The following RRP15 variants were observed in gnomAD, a reference collection of about 807,000 sequenced individuals.
RRP15 encodes ribosomal RNA processing 15 homolog, also known as RRP15-like protein.
RRP15 carries 18 observed loss-of-function variants against 27.1 expected under a neutral mutation model. The ratio of observed to expected loss-of-function variants is 0.66; its 90% CI spans 0.46 to 0.98. The LOEUF (loss-of-function observed/expected upper bound fraction) is 0.98. Ranked by LOEUF, RRP15 falls within the 50% of genes least tolerant of loss-of-function variation. The probability of loss-of-function intolerance (pLI) is 0.00; values close to 1 mark genes in which losing one functional copy is unlikely to be tolerated. For missense variants in RRP15, 359 were observed against 337.8 expected (o/e 1.06, Z -0.49); for synonymous variants, 107 against 109.4 (o/e 0.98, Z 0.14).
intron 4 of RRP15, among the ~76,000 whole-genome samples, chr1:218,328,664 A>G (rs1656315797): frequency 6.7e-6 from 1 of 149,168 alleles, no homozygotes. Flanking sequence ...CTCCGTCTCA[A>G]AAAAAAAAAA....
intron 2 of RRP15, among the ~76,000 whole-genome samples, chr1:218,304,057 T>TC (rs1655854635): frequency 6.6e-6 from 1 of 152,116 alleles, no homozygotes; most frequent in Admixed American, 6.5e-5. Flanking sequence ...CTAAAATGAA[T>TC]TGTCTGGTTA....
rs767273430 is a variant in RRP15 at position 218,302,476 on chromosome 1, A to G, written c.322A>G (p.Lys108Glu). 9.4e-5 allele frequency: 152 copies of G among 1,614,072 alleles called. No individual in the cohort carries two copies. The highest frequency in any genetic ancestry group is 1.3e-4 in the Non-Finnish European group (148 of 1,180,028). The part of the protein sequence containing the change: ...KVLNKKTPES[K>E]PTILVKNKKL... ...CCTCAACAAGAAAACTCCTGAAAGT[A>G]AACCTACTATTCTGGTCAAAAATAA... The change falls in exon 2 of 5, where the codon AAA becomes GAA. Residue 108 changes from lysine to glutamate, a missense_variant. Physicochemically the swap from Lys to Glu is moderately conservative, Grantham distance 56. Transcript: ENST00000366932.
At chr1:218,298,198 T>C (rs918610304) in intron 1 of RRP15, among the ~76,000 whole-genome samples, 13 of 152,156 alleles carry the variant, frequency 8.5e-5, no homozygotes, top group Admixed American at 2.0e-4. Flanking sequence ...GCTTGGGTTA[T>C]GGAATCTTAC....
intron 2 of RRP15, among the ~76,000 whole-genome samples, chr1:218,303,463 A>T (rs1250685779): frequency 6.6e-6 from 1 of 152,236 alleles, no homozygotes; most frequent in African/African-American, 2.4e-5. Flanking sequence ...TTAGAAACAC[A>T]GCATACTCTA....
chr1:218,322,999 G>A (rs1237443597), intron 4 of RRP15, among the ~76,000 whole-genome samples: 1 of 152,198 alleles, frequency 6.6e-6, no homozygotes, highest in Non-Finnish European at 1.5e-5. Context: ...TACTTGCGAG[G>A]CTGCAGCTGG....
At chr1:218,294,510 A>G (rs61823381) in intron 1 of RRP15, among the ~76,000 whole-genome samples, 5,498 of 152,206 alleles carry the variant, frequency 0.036, 347 homozygotes, top group African/African-American at 0.13. Flanking sequence ...ATTATAAAGC[A>G]TATTACAGAG....
Position 218,305,107 on chromosome 1 carries a change from T to G in RRP15, c.485T>G (p.Leu162Arg). Residue 162 changes from leucine to arginine, a missense_variant, in exon 3 of 5, where the codon CTT becomes CGT. Leu to Arg is a moderately radical substitution (Grantham distance 102, BLOSUM62 -2). Coordinates refer to ENST00000366932, the MANE Select transcript of RRP15 (RefSeq NM_016052.4). ...CAAGACAAAGAGACAGAGAGAAATC[T>G]TCAGAGAATTGCAACAAGGTAAGGT... is the stretch of plus-strand genomic sequence containing the variant. Reference protein sequence around the residue: ...VVQDKETERNLQRIATRGVVQ... With the variant: ...VVQDKETERNRQRIATRGVVQ... 1.2e-6 allele frequency: 2 copies of G among 1,613,254 alleles called. No individual in the cohort carries two copies. The highest frequency in any genetic ancestry group is 1.7e-6 in the Non-Finnish European group (2 of 1,179,326).
intron 1 of RRP15, among the ~76,000 whole-genome samples, chr1:218,287,700 T>TTA (rs1655572170): frequency 6.6e-6 from 1 of 152,226 alleles, no homozygotes; most frequent in African/African-American, 2.4e-5. Flanking sequence ...CGTTGCTTAC[T>TTA]TATATCTTAC....
chr1:218,314,243 A>T (rs1558208768), intron 4 of RRP15, among the ~76,000 whole-genome samples: 1 of 152,130 alleles, frequency 6.6e-6, no homozygotes, highest in Non-Finnish European at 1.5e-5. Flanking sequence ...AAAGTTTTAT[A>T]AAAAAATTAA....
chr1:218,315,952 A>G (rs1324585834), intron 4 of RRP15, among the ~76,000 whole-genome samples: 1 of 152,182 alleles, frequency 6.6e-6, no homozygotes, highest in Non-Finnish European at 1.5e-5. Context: ...GCCTAAATAG[A>G]GCTTAGGCAA....
chr1:218,323,595 A>AC (rs1656223515), intron 4 of RRP15, among the ~76,000 whole-genome samples: 1 of 152,164 alleles, frequency 6.6e-6, no homozygotes, highest in Admixed American at 6.5e-5. Flanking sequence ...GTGGGGCCTC[A>AC]CCGGGGACCC....
chr1:218,294,850 AT>A (rs1211285779), intron 1 of RRP15, among the ~76,000 whole-genome samples: 5 of 152,178 alleles, frequency 3.3e-5, no homozygotes, highest in African/African-American at 1.2e-4. Flanking sequence ...CCAGCCCTCA[AT>A]CATTAGCATA....
intron 4 of RRP15, among the ~76,000 whole-genome samples, chr1:218,316,414 C>CATATAT (rs1397389611): frequency 6.6e-6 from 1 of 152,114 alleles, no homozygotes; most frequent in African/African-American, 2.4e-5. Context: ...TATATTAAGA[C>CATATAT]ATCAGTCTTA....
chr1:218,288,052 A>G (rs1324389146), intron 1 of RRP15, among the ~76,000 whole-genome samples: 1 of 152,232 alleles, frequency 6.6e-6, no homozygotes, highest in East Asian at 1.9e-4. Flanking sequence ...GACTAGAAGT[A>G]AAACTGGAAA....
chr1:218,298,194 G>A (rs1272862462), intron 1 of RRP15, among the ~76,000 whole-genome samples: 1 of 152,068 alleles, frequency 6.6e-6, no homozygotes, highest in Non-Finnish European at 1.5e-5. Context: ...ACTGGCTTGG[G>A]TTATGGAATC....
At chr1:218,329,235 T>TGCAAAAAAA (rs1357659970) in intron 4 of RRP15, among the ~76,000 whole-genome samples, 1 of 22,332 alleles carries the variant, frequency 4.5e-5, no homozygotes, top group Non-Finnish European at 8.2e-5. Context: ...ACCCTGTCTC[T>TGCAAAAAAA]ACAAAAAAAA....
chr1:218,302,850 TTTTA>T (rs1196420054), intron 2 of RRP15, among the ~76,000 whole-genome samples: 1 of 152,226 alleles, frequency 6.6e-6, no homozygotes, highest in Non-Finnish European at 1.5e-5. Context: ...CCTGAGCCTA[TTTTA>T]TTTGTTTTAG....
Position 218,318,411 on chromosome 1 carries a change from G to A in RRP15, c.705+10779G>A, listed in dbSNP as rs572952302. On this transcript the variant is annotated intron_variant, in intron 4 of 4. Transcript: ENST00000366932. ...GTCTTTTTTTTTCTTTTAAAGACTA[G>A]CTTTTTAAAGAGACAAGCCAGTTGT... Among the ~76,000 whole-genome samples, 4 of 151,742 alleles carry A rather than the reference G, an allele frequency of 2.6e-5. No homozygotes were observed. In the South Asian group the frequency reaches 8.3e-4, roughly 32 times the overall value.
intron 1 of RRP15, among the ~76,000 whole-genome samples, chr1:218,287,711 G>C (rs539540658): frequency 6.6e-6 from 1 of 152,066 alleles, no homozygotes; most frequent in Admixed American, 6.6e-5. Flanking sequence ...TATATCTTAC[G>C]TGTATTATTG....
Sources: gnomAD v4.1 joint callset for allele counts (sites outside exome capture counted in the v4.1 genomes callset) on GRCh38, gnomAD v4.1.1 for gene constraint, MANE v1.5 for transcripts, NCBI Gene and HGNC (gene_info 2026-07-23, HGNC 2026-07-21) for gene names.